CCDC88C: variants seen among roughly 807,000 people sequenced by gnomAD.
CCDC88C encodes coiled-coil and HOOK domain protein 88C.
A neutral mutation model predicts 198.8 loss-of-function variants in CCDC88C; 131 were observed. The observed-to-expected ratio is 0.66, with a 90% CI of 0.57 to 0.76. The LOEUF (loss-of-function observed/expected upper bound fraction) is 0.76, where lower values mean the gene tolerates loss of function less well. CCDC88C is among the 30% of genes least tolerant of loss of function. The pLI is 0.00. For missense variants in CCDC88C, 2,553 were observed against 2,631.6 expected (o/e 0.97, Z 0.65); for synonymous variants, 1,166 against 1,114.7 (o/e 1.05, Z -0.92).
chr14:91,305,620 C>T (rs1040089773), intron 19 of CCDC88C, 145 bp downstream of exon 19: 3 of 671,228 alleles, frequency 4.5e-6, no homozygotes, highest in South Asian at 5.3e-5. Flanking sequence ...CTGTTTACAG[C>T]GGGTCTCTAT....
intron 3 of CCDC88C, among the ~76,000 whole-genome samples, chr14:91,398,855 G>A (rs1048203256): frequency 6.6e-6 from 1 of 152,120 alleles, no homozygotes; most frequent in African/African-American, 2.4e-5. Context: ...CAGCCCTGGG[G>A]GCGCACAGGT....
chr14:91,281,325 A>G, intron 27 of CCDC88C, 132 bp downstream of exon 27: 1 of 1,542,574 alleles, frequency 6.5e-7, no homozygotes, highest in South Asian at 1.2e-5. Context: ...AGGGGAAGGA[A>G]GAATGGGTCC....
intron 4 of CCDC88C, among the ~76,000 whole-genome samples, chr14:91,355,368 G>A (rs1338116557): frequency 6.6e-6 from 1 of 152,202 alleles, no homozygotes; most frequent in East Asian, 1.9e-4. Context: ...TCACTATGGG[G>A]GCAGGCTCTT....
chr14:91,361,857 T>C (rs961007376), intron 3 of CCDC88C, among the ~76,000 whole-genome samples: 7 of 152,322 alleles, frequency 4.6e-5, no homozygotes, highest in African/African-American at 1.7e-4. Flanking sequence ...CAGTGAAATC[T>C]GCTTTCCAGC....
chr14:91,408,724 T>C lies in CCDC88C; in HGVS notation c.205A>G (p.Asn69Asp). The C allele has an allele frequency of 3.1e-6, 5 of 1,613,916 alleles. No homozygotes were observed. The highest frequency in any genetic ancestry group is 4.2e-6 in the Non-Finnish European group (5 of 1,179,806). The change falls in exon 3 of 30, where the codon AAT becomes GAT. Residue 69 changes from asparagine (N) to aspartate (D), a missense_variant. This residue lies in a region of CCDC88C where 1,260 missense variants were observed against 1,412.0 expected (regional missense o/e 0.89). Coordinates refer to ENST00000389857, the MANE Select transcript of CCDC88C (RefSeq NM_001080414.4). Reference protein sequence around the residue: ...TNQRINKHVNNDVNLRIQNLT... With the variant: ...TNQRINKHVNDDVNLRIQNLT... ...TTCTGAATGCGAAGGTTCACATCAT[T>C]GTTGACGTGCTTATTGATGCGTTGA...
intron 3 of CCDC88C, among the ~76,000 whole-genome samples, chr14:91,373,650 T>C (rs1040413240): frequency 4.6e-5 from 7 of 152,156 alleles, no homozygotes; most frequent in African/African-American, 1.4e-4. Flanking sequence ...ATGTATTCTA[T>C]AGCAGGAAAC....
At chr14:91,373,991 C>A (rs1170899192) in intron 3 of CCDC88C, among the ~76,000 whole-genome samples, 1 of 152,236 alleles carries the variant, frequency 6.6e-6, no homozygotes, top group Non-Finnish European at 1.5e-5. Context: ...CTGAGTCCCA[C>A]ACAGGGAACT....
chr14:91,279,715 C>T (rs769226313), intron 27 of CCDC88C: 35 of 160,238 alleles, frequency 2.2e-4, no homozygotes, highest in East Asian at 9.0e-4. Context: ...TGTGGACAGC[C>T]GAGGCCGAGG....
At chr14:91,323,242 C>T (rs932966946) in intron 12 of CCDC88C, among the ~76,000 whole-genome samples, 6 of 152,136 alleles carry the variant, frequency 3.9e-5, no homozygotes, top group African/African-American at 1.4e-4. Flanking sequence ...CGTCAGCACC[C>T]CCCAGCAACC....
chr14:91,277,801 A>G, intron 29 of CCDC88C, 121 bp downstream of exon 29: 2 of 1,167,584 alleles, frequency 1.7e-6, no homozygotes, highest in African/African-American at 1.6e-5. Flanking sequence ...TCTCATGTCC[A>G]AGCCAGTCCT....
chr14:91,286,803 G>A (rs1377497580), intron 25 of CCDC88C, among the ~76,000 whole-genome samples: 2 of 152,324 alleles, frequency 1.3e-5, no homozygotes, highest in East Asian at 3.9e-4. Flanking sequence ...CTCAGGCTCC[G>A]GAGTGCGGCC....
chr14:91,383,470 A>G (rs918024488), intron 3 of CCDC88C, among the ~76,000 whole-genome samples: 1 of 152,120 alleles, frequency 6.6e-6, no homozygotes, highest in Non-Finnish European at 1.5e-5. Context: ...TTGGGCACTC[A>G]GATGTCCGGG....
intron 3 of CCDC88C, among the ~76,000 whole-genome samples, chr14:91,387,168 A>C (rs765100791): frequency 3.3e-5 from 5 of 152,216 alleles, no homozygotes; most frequent in Non-Finnish European, 7.3e-5. Context: ...GTTCTGGGAA[A>C]AGAAAATCAA....
chr14:91,289,049 G>T, intron 25 of CCDC88C, 56 bp downstream of exon 25: 1 of 1,439,432 alleles, frequency 6.9e-7, no homozygotes, highest in Non-Finnish European at 9.6e-7. Context: ...ACCGGTGCGG[G>T]ACCCTTCAGG....
chr14:91,405,046 G>A (rs558747483), intron 3 of CCDC88C, among the ~76,000 whole-genome samples: 15 of 152,170 alleles, frequency 9.9e-5, no homozygotes, highest in African/African-American at 3.6e-4. Context: ...CCAGGAAGGC[G>A]GAGAATCTGC....
intron 25 of CCDC88C, among the ~76,000 whole-genome samples, chr14:91,287,959 C>T (rs868190779): frequency 1.3e-5 from 2 of 152,140 alleles, no homozygotes; most frequent in African/African-American, 4.8e-5. Context: ...TTCTAAGACA[C>T]CTTTAACGTC....
intron 27 of CCDC88C, 90 bp downstream of exon 27, chr14:91,281,367 C>A: frequency 6.3e-7 from 1 of 1,596,630 alleles, no homozygotes; most frequent in Non-Finnish European, 8.5e-7. Context: ...TGTTGGACTC[C>A]CGTACAGGAC....
chr14:91,333,359 C>T (rs1402930457), intron 10 of CCDC88C, among the ~76,000 whole-genome samples: 5 of 152,158 alleles, frequency 3.3e-5, no homozygotes, highest in Non-Finnish European at 5.9e-5. Flanking sequence ...TTACCATTTT[C>T]GTCGTCTGTG....
At position 91,277,990 on chromosome 14, in the gene CCDC88C, A is replaced by G; in HGVS notation, c.4990T>C (p.Ser1664Pro). 6.4e-7 allele frequency: 1 copy of G among 1,567,046 alleles called. No individual in the cohort carries two copies. Among genetic ancestry groups the G allele is most frequent in the Non-Finnish European group, 8.7e-7 (1 of 1,153,762 alleles). Residue 1664 changes from serine (S) to proline (P), a missense_variant, in exon 29 of 30, where the codon TCC becomes CCC. Ser to Pro is a moderately conservative substitution (Grantham distance 74). Coordinates refer to ENST00000389857, the MANE Select transcript of CCDC88C (RefSeq NM_001080414.4). ...PYVGVRPCSA[S>P]PSSEMVTLEE... Reference sequence around the variant, plus strand: ...AAGGTGACCATCTCACTGCTGGGGGAGGCCGAGCAGGGCCGCACTCCGACG... The same window carrying G: ...AAGGTGACCATCTCACTGCTGGGGGGGGCCGAGCAGGGCCGCACTCCGACG...
Sources: gnomAD v4.1 joint callset for allele counts (sites outside exome capture counted in the v4.1 genomes callset) on GRCh38, gnomAD v4.1.1 for gene constraint, gnomAD v4.1.1 regional missense constraint, MANE v1.5 for transcripts, NCBI Gene and HGNC (gene_info 2026-07-23, HGNC 2026-07-21) for gene names.